Variants in TCP11L1 observed in about 807,000 individuals in gnomAD.
TCP11L1 encodes the protein T-complex protein 11-like protein 1.
A neutral mutation model predicts 48.9 loss-of-function variants in TCP11L1; 28 were observed. The ratio of observed to expected loss-of-function variants is 0.57; its 90% CI spans 0.42 to 0.78. The LOEUF is 0.78. TCP11L1 is among the 30% of genes least tolerant of loss of function. TCP11L1 has a pLI of 0.00. For synonymous variants in TCP11L1, 204 were observed against 231.9 expected (o/e 0.88, Z 1.09); for missense variants, 505 against 613.4 (o/e 0.82, Z 1.87).
At chr11:33,071,037 G>A (rs1023394637) in intron 9 of TCP11L1, among the ~76,000 whole-genome samples, 1 of 151,646 alleles carries the variant, frequency 6.6e-6, no homozygotes, top group African/African-American at 2.4e-5. Context: ...TGATAGGGCT[G>A]GGTGCAGTGG....
At chr11:33,058,925 C>T (rs1162782531) in intron 5 of TCP11L1, 34 bp from the exon 6 acceptor site, 2 of 1,607,964 alleles carry the variant, frequency 1.2e-6, no homozygotes, top group Non-Finnish European at 8.5e-7. Flanking sequence ...GTTTACTTTA[C>T]AAATGCTTGC....
At chr11:33,067,666 T>C (rs1395184146) in intron 8 of TCP11L1, among the ~76,000 whole-genome samples, 1 of 152,144 alleles carries the variant, frequency 6.6e-6, no homozygotes, top group Non-Finnish European at 1.5e-5. Context: ...TCCCTGGTCC[T>C]CCAGGGGTGG....
intron 2 of TCP11L1, 181 bp downstream of exon 2, chr11:33,044,117 T>C: frequency 1.9e-6 from 1 of 539,370 alleles, no homozygotes; most frequent in Non-Finnish European, 3.1e-6. Flanking sequence ...GATTTTCAAT[T>C]GCATGGGAAA....
At chr11:33,069,931 T>C (rs1194730168) in intron 9 of TCP11L1, among the ~76,000 whole-genome samples, 8 of 152,000 alleles carry the variant, frequency 5.3e-5, no homozygotes, top group Admixed American at 3.3e-4. Context: ...ACAACCTTCA[T>C]AGGGAGGCAG....
rs2133722400 is a variant in TCP11L1, at chr11:33,058,095, A to C, written c.594A>C (p.Glu198Asp). ...TGTGTGCACCTGCTCGAGATGAGGA[A>C]GTTAAGAAACTAAAGGACATTAAGG... ...GTLCAPARDEEVKKLKDIKEI... is the reference protein window; with the variant it reads ...GTLCAPARDEDVKKLKDIKEI... Residue 198 changes from glutamate (E) to aspartate (D), a missense_variant, in exon 5 of 10, where the codon GAA becomes GAC. Physicochemically the swap from Glu to Asp is conservative, Grantham distance 45. Transcript: ENST00000334274. 6.2e-7 allele frequency: 1 copy of C among 1,614,132 alleles called. No homozygotes were observed. Among genetic ancestry groups the C allele is most frequent in the East Asian group, 2.2e-5 (1 of 44,888 alleles).
At chr11:33,067,928 A>T (rs1294970073) in intron 8 of TCP11L1, among the ~76,000 whole-genome samples, 1 of 151,090 alleles carries the variant, frequency 6.6e-6, no homozygotes, top group African/African-American at 2.4e-5. Flanking sequence ...ATTTTTATAT[A>T]TTTTTTTATT....
rs375632539 is a variant in TCP11L1 at position 33,057,999 on chromosome 11, G to A, written c.498G>A (p.Lys166=). The A allele has an allele frequency of 6.8e-6, 11 of 1,614,026 alleles. 1 individual carries two copies. In the African/African-American group the frequency reaches 1.2e-4, roughly 18 times the overall value. The change falls in exon 5 of 10, where the codon AAG becomes AAA. Residue 166 remains lysine, a synonymous_variant. Transcript: ENST00000334274. ...ITEVLDLDLI[K]QEAENGALDI... ...AAGTCTTGGATCTGGATCTGATAAA[G>A]CAGGAAGCAGAGAATGGGGCGCTAG...
chr11:33,039,769 GGGA>G lies in TCP11L1; in HGVS notation c.-46_-44del, dbSNP rs1274436614. On this transcript the variant is annotated 5_prime_UTR_variant, in exon 1 of 10. Transcript: ENST00000334274. ...CTGATTCGCGGCGGGAGCGGCAGGA[GGGA>G]GAACGCCGACTCCGTGGCAGGTGAG... 1 of 152,326 alleles carries G rather than the reference GGGA, an allele frequency of 6.6e-6. No homozygotes were observed. The highest frequency in any genetic ancestry group is 1.5e-5 in the Non-Finnish European group (1 of 68,104). The allele number at this position is 152,326 out of a possible 1,614,324, so 9.4% of individuals were successfully genotyped here. A position where few individuals can be genotyped will look rare whatever the true frequency, so the allele number is the denominator to read the frequency against.
chr11:33,043,344 A>T (rs1458908524), intron 1 of TCP11L1, among the ~76,000 whole-genome samples: 1 of 152,222 alleles, frequency 6.6e-6, no homozygotes, highest in Non-Finnish European at 1.5e-5. Context: ...CCCAATTAAA[A>T]GCATTATTTC....
At chr11:33,069,231 C>A (rs901494564) in intron 9 of TCP11L1, among the ~76,000 whole-genome samples, 2 of 152,086 alleles carry the variant, frequency 1.3e-5, no homozygotes, top group African/African-American at 4.8e-5. Context: ...TAGTGCCTGG[C>A]AGCACATAGT....
At chr11:33,042,930 G>C (rs1853881739) in intron 1 of TCP11L1, among the ~76,000 whole-genome samples, 1 of 152,242 alleles carries the variant, frequency 6.6e-6, no homozygotes, top group Admixed American at 6.5e-5. Flanking sequence ...GCCAGGCATG[G>C]TGGTGGGCGC....
At chr11:33,063,166 C>CT (rs1326774141) in intron 7 of TCP11L1, among the ~76,000 whole-genome samples, 1 of 152,182 alleles carries the variant, frequency 6.6e-6, no homozygotes, top group Non-Finnish European at 1.5e-5. Context: ...CCCAGCCCTC[C>CT]TTTCTTTTTT....
intron 4 of TCP11L1, among the ~76,000 whole-genome samples, 169 bp downstream of exon 4, chr11:33,057,404 A>C (rs1334327006): frequency 2.0e-5 from 3 of 152,224 alleles, no homozygotes; most frequent in Non-Finnish European, 4.4e-5. Context: ...TTTTAAAAAA[A>C]AGTTTTAAGC....
intron 8 of TCP11L1, among the ~76,000 whole-genome samples, chr11:33,067,999 G>A (rs766806405): frequency 1.3e-4 from 19 of 151,686 alleles, no homozygotes; most frequent in African/African-American, 2.2e-4. Flanking sequence ...TGATCTCGGC[G>A]TCCACTTCCT....
At chr11:33,066,627 C>T (rs1854629435) in intron 8 of TCP11L1, among the ~76,000 whole-genome samples, 1 of 152,094 alleles carries the variant, frequency 6.6e-6, no homozygotes, top group African/African-American at 2.4e-5. Flanking sequence ...ATTTGTTCTC[C>T]CTACGCAGGG....
chr11:33,040,307 A>G (rs560830307), intron 1 of TCP11L1: 1 of 152,304 alleles, frequency 6.6e-6, no homozygotes, highest in East Asian at 1.9e-4. Context: ...GCCGCATCCT[A>G]GAGCCCTTTA....
chr11:33,050,816 G>A (rs1431589802), intron 2 of TCP11L1, among the ~76,000 whole-genome samples: 1 of 123,144 alleles, frequency 8.1e-6, no homozygotes, highest in Non-Finnish European at 1.7e-5. Flanking sequence ...TTCTATCTGT[G>A]ATTCTTTTTT....
chr11:33,062,672 C>G (rs894580315), intron 7 of TCP11L1, among the ~76,000 whole-genome samples: 4 of 152,196 alleles, frequency 2.6e-5, no homozygotes, highest in African/African-American at 9.7e-5. Context: ...CAGTAATTCC[C>G]ATTGCCCCCG....
chr11:33,072,339 G>GTGGGTATCTGGTC (rs1441442415), intron 9 of TCP11L1, 135 bp from the exon 10 acceptor site: 2 of 830,828 alleles, frequency 2.4e-6, no homozygotes, highest in African/African-American at 3.4e-5. Flanking sequence ...GCAAGGTGCT[G>GTGGGTATCTGGTC]TGGGTATCTG....
Sources: gnomAD v4.1 joint callset for allele counts (sites outside exome capture counted in the v4.1 genomes callset) on GRCh38, gnomAD v4.1.1 for gene constraint, MANE v1.5 for transcripts, NCBI Gene and HGNC (gene_info 2026-07-23, HGNC 2026-07-21) for gene names.